NTN5: variants seen among roughly 807,000 people sequenced by gnomAD.
NTN5 encodes netrin 5.
NTN5 carries 42 observed loss-of-function variants against 38.7 expected under a neutral mutation model. The ratio of observed to expected loss-of-function variants is 1.08; its 90% confidence interval spans 0.85 to 1.40. The LOEUF (loss-of-function observed/expected upper bound fraction) is 1.40, where lower values mean the gene tolerates loss of function less well. Among genes scored for constraint, NTN5 ranks in the 40% most tolerant of loss-of-function variants. The pLI is 0.00. For missense variants in NTN5, 658 were observed against 716.5 expected, an observed-to-expected ratio of 0.92 and a Z score of 0.93; for synonymous variants, 329 against 303.9, an observed-to-expected ratio of 1.08 and a Z score of -0.86.
In NTN5 at chr19:48,663,793, G is replaced by A. The variant is rs1490273832; in HGVS notation, c.992C>T (p.Thr331Ile). The change falls in exon 5 of 7, where the codon ACC (threonine) becomes ATC (isoleucine). Residue 331 changes from threonine (T) to isoleucine (I), a missense_variant. By Grantham distance (89) the Thr-to-Ile change is moderately conservative. Transcript: ENST00000270235. ...PCQRIPEATT[T>I]LATTPGAYSS... ...ATAAGCACCAGGAGTAGTGGCAAGG[G>A]TGGTTGTTGCCTCTGGAATTCCTGT... 1 of 1,614,122 alleles carries A rather than the reference G, an allele frequency of 6.2e-7. No individual in the cohort carries two copies.
At chr19:48,667,420 C>G in intron 2 of NTN5, 1 of 418,884 alleles carries the variant, frequency 2.4e-6, no homozygotes, top group South Asian at 1.7e-5. Flanking sequence ...AGCGCCCAGG[C>G]CCTGTCCAGG....
chr19:48,670,585 C>T lies in NTN5; in HGVS notation c.402G>A (p.Ala134=), dbSNP rs547097875. ...HSTPGPKATV[A]ASHLRVEFGG... is the part of the protein sequence containing the mutation. ...CAAACTCCACACGGAGGTGGCTGGCCGCCACAGTGGCCTTAGGACCTGGTG... is the reference window on the plus strand; with the variant it reads ...CAAACTCCACACGGAGGTGGCTGGCTGCCACAGTGGCCTTAGGACCTGGTG... The change falls in exon 2 of 7, where the codon GCG becomes GCA. Residue 134 remains alanine (A), a synonymous_variant. Coordinates refer to ENST00000270235, the MANE Select transcript of NTN5 (RefSeq NM_145807.4). The T allele has an allele frequency of 7.0e-5, 110 of 1,574,850 alleles. No individual in the cohort carries two copies. The East Asian group carries it at 1.9e-3, about 27-fold the overall frequency.
chr19:48,664,800 G>GCCGA (rs1404982055), intron 2 of NTN5, 33 bp from the exon 3 acceptor site: 1 of 1,488,330 alleles, frequency 6.7e-7, no homozygotes, highest in Non-Finnish European at 9.0e-7. Flanking sequence ...GCGCATCAGG[G>GCCGA]CCGAGTGTGC....
chr19:48,667,365 C>T (rs1417652358), intron 2 of NTN5: 1 of 418,854 alleles, frequency 2.4e-6, no homozygotes, highest in Non-Finnish European at 4.8e-6. Context: ...GGGCACTGCC[C>T]TGCTCAGTCT....
intron 2 of NTN5, among the ~76,000 whole-genome samples, chr19:48,665,682 G>A (rs1300516799): frequency 6.6e-6 from 1 of 151,890 alleles, no homozygotes; most frequent in Non-Finnish European, 1.5e-5. Context: ...AGCTGGGCGT[G>A]GTGGCACGCG....
Position 48,670,415 on chromosome 19 carries a change from G to A in NTN5, c.572C>T (p.Pro191Leu), listed in dbSNP as rs902862422. Residue 191 changes from proline (P) to leucine (L), a missense_variant, in exon 2 of 7, where the codon CCG becomes CTG. Physicochemically the swap from Pro to Leu is moderately conservative, Grantham distance 98. Coordinates refer to ENST00000270235, the MANE Select transcript of NTN5 (RefSeq NM_145807.4). ...CCGCCAGGGCCAGTCTCGATGGGAC[G>A]GGCGGCAGCTCTCGCACCCCGGGCC... The part of the protein sequence containing the change: ...TTGPGCESCR[P>L]SHRDWPWRPA... The A allele has an allele frequency of 1.5e-5, 21 of 1,443,664 alleles. No homozygotes were observed. The highest frequency in any genetic ancestry group is 5.2e-5 in the East Asian group (2 of 38,142). The allele number at this position is 1,443,664 out of a possible 1,614,324, so 89.4% of individuals were successfully genotyped here. A position where few individuals can be genotyped will look rare whatever the true frequency, so the allele number is the denominator to read the frequency against.
Position 48,670,765 on chromosome 19 carries a change from G to A in NTN5, c.222C>T (p.Leu74=), listed in dbSNP as rs1354784881. Residue 74 remains leucine (L), a synonymous_variant, in exon 2 of 7, where the codon CTC becomes CTT. Coordinates refer to ENST00000270235, the MANE Select transcript of NTN5 (RefSeq NM_145807.4). ...AGAAGCGCAAGCTGACAGATGTCAGGAGGAAGGGGCCACCCAGGGCCAAAG... is the reference window on the plus strand; with the variant it reads ...AGAAGCGCAAGCTGACAGATGTCAGAAGGAAGGGGCCACCCAGGGCCAAAG... ...SLTLALGGPF[L]LTSVSLRFCT... The A allele has an allele frequency of 1.2e-6, 2 of 1,612,986 alleles. No homozygotes were observed. Among genetic ancestry groups the A allele is most frequent in the South Asian group, 1.1e-5 (1 of 91,090 alleles).
At chr19:48,666,674 A>G (rs1213716258) in intron 2 of NTN5, among the ~76,000 whole-genome samples, 1 of 118,918 alleles carries the variant, frequency 8.4e-6, no homozygotes, top group African/African-American at 3.3e-5. Context: ...TTCACAGACC[A>G]CTCTTTTTTT....
At chr19:48,667,626 G>A (rs906025996) in intron 2 of NTN5, among the ~76,000 whole-genome samples, 1 of 152,192 alleles carries the variant, frequency 6.6e-6, no homozygotes, top group Non-Finnish European at 1.5e-5. Context: ...GGAGGCCAAG[G>A]CTGGCAGATC....
chr19:48,672,079 G>A (rs1299974087), intron 1 of NTN5, among the ~76,000 whole-genome samples: 1 of 152,156 alleles, frequency 6.6e-6, no homozygotes, highest in African/African-American at 2.4e-5. Context: ...CTCAGGGCCT[G>A]GAGACCAGAG....
In NTN5 at chr19:48,664,906, A is replaced by G. The variant is rs532533167; in HGVS notation, c.632-139T>C. The G allele has an allele frequency of 2.5e-4, 162 of 645,866 alleles. 1 individual carries two copies. The South Asian group carries it at 4.3e-3, about 17-fold the overall frequency. 40.0% of individuals were successfully genotyped at this position (645,866 alleles called of 1,614,324 possible). On this transcript the variant is annotated intron_variant, in intron 2 of 6. Transcript: ENST00000270235. Reference sequence around the variant, plus strand: ...GAAGAGAATGCCTGGGTCCCAGGACATCTCTATTATTATCTTTTTTTTTTG... The same window carrying G: ...GAAGAGAATGCCTGGGTCCCAGGACGTCTCTATTATTATCTTTTTTTTTTG...
At chr19:48,668,791 C>T (rs188715280) in intron 2 of NTN5, among the ~76,000 whole-genome samples, 3 of 152,218 alleles carry the variant, frequency 2.0e-5, no homozygotes, top group Admixed American at 6.5e-5. Flanking sequence ...GTTTAATGAC[C>T]GAATACTTTC....
chr19:48,672,336 T>C (rs1329449534), intron 1 of NTN5, among the ~76,000 whole-genome samples: 1 of 152,182 alleles, frequency 6.6e-6, no homozygotes, highest in Non-Finnish European at 1.5e-5. Context: ...AGGAGCTCAC[T>C]GTGGACTGGG....
intron 2 of NTN5, among the ~76,000 whole-genome samples, chr19:48,665,348 ATC>A (rs1169340926): frequency 2.0e-5 from 3 of 150,878 alleles, no homozygotes; most frequent in Non-Finnish European, 4.4e-5. Flanking sequence ...AGGCAGGAGA[ATC>A]TCCTGAACCC....
intron 2 of NTN5, among the ~76,000 whole-genome samples, chr19:48,667,844 A>C (rs2031744401): frequency 6.6e-6 from 1 of 152,102 alleles, no homozygotes; most frequent in African/African-American, 2.4e-5. Context: ...TGACAGAGCA[A>C]GACTCCATCT....
intron 2 of NTN5, among the ~76,000 whole-genome samples, chr19:48,669,258 CCACGACCAT>C (rs1468303617): frequency 1.2e-4 from 2 of 16,742 alleles, no homozygotes; most frequent in Admixed American, 4.3e-4. Flanking sequence ...ATCACCACCA[CCACGACCAT>C]CATCACCACC....
At chr19:48,663,246 G>C (rs925594282) in intron 6 of NTN5, 4 of 670,402 alleles carry the variant, frequency 6.0e-6, no homozygotes, top group African/African-American at 5.3e-5. Context: ...GAAGAACATG[G>C]GGAAAGAGGA....
chr19:48,661,417 T>G lies in NTN5; in HGVS notation c.*260A>C. On this transcript the variant is annotated 3_prime_UTR_variant, in exon 7 of 7. Coordinates refer to ENST00000270235, the MANE Select transcript of NTN5 (RefSeq NM_145807.4). ...GTCTGTAGACAAAAATTCCCAAAGATTTGAGACTTTATTGGGGGAAACAGA... is the reference window on the plus strand; with the variant it reads ...GTCTGTAGACAAAAATTCCCAAAGAGTTGAGACTTTATTGGGGGAAACAGA... 2 of 353,634 alleles carry G rather than the reference T, an allele frequency of 5.7e-6. No individual in the cohort carries two copies. 21.9% of individuals were successfully genotyped at this position (353,634 alleles called of 1,614,324 possible).
chr19:48,669,630 CCAGT>C (rs1196857662), intron 2 of NTN5, among the ~76,000 whole-genome samples: 2 of 888 alleles, frequency 2.3e-3, no homozygotes, highest in Non-Finnish European at 3.9e-3. Flanking sequence ...ATCACCACCA[CCAGT>C]CATCACCATC....
Sources: allele counts gnomAD v4.1 joint callset (sites outside exome capture counted in the v4.1 genomes callset), GRCh38; gene constraint gnomAD v4.1.1; transcripts MANE v1.5; gene names NCBI Gene and HGNC (gene_info 2026-07-23, HGNC 2026-07-21).